The following PLPPR1 variants were observed in gnomAD, a reference collection of about 807,000 sequenced individuals.
The protein encoded by PLPPR1 is phospholipid phosphatase related 1.
PLPPR1 carries 10 observed loss-of-function variants against 33.1 expected under a neutral mutation model. That is an observed-to-expected ratio of 0.30 (90% CI 0.19 to 0.51). PLPPR1 has a LOEUF of 0.51. PLPPR1 is among the 20% of genes least tolerant of loss of function. The probability of loss-of-function intolerance (pLI) is 0.97; values close to 1 mark genes in which losing one functional copy is unlikely to be tolerated. For synonymous variants in PLPPR1, 151 were observed against 151.0 expected, an observed-to-expected ratio of 1.00 and a Z score of 0.00; for missense variants, 304 against 408.1, an observed-to-expected ratio of 0.74 and a Z score of 2.20.
chr9:101,207,637 C>T (rs969938034), intron 2 of PLPPR1, among the ~76,000 whole-genome samples: 5 of 152,138 alleles, frequency 3.3e-5, no homozygotes. Context: ...CACCCCCATT[C>T]ACCGTGGAAA....
At chr9:101,032,218 T>G (rs961883617) in intron 1 of PLPPR1, among the ~76,000 whole-genome samples, 1 of 151,084 alleles carries the variant, frequency 6.6e-6, no homozygotes, top group African/African-American at 2.5e-5. Context: ...GAACTTCAAT[T>G]TTATGGGGAA....
At chr9:101,220,072 C>T (rs79959629) in intron 2 of PLPPR1, among the ~76,000 whole-genome samples, 196 of 152,268 alleles carry the variant, frequency 1.3e-3, no homozygotes, top group African/African-American at 4.6e-3. Flanking sequence ...ATGTTTGGGG[C>T]TGGATAATTC....
At chr9:101,183,566 T>C (rs937421303) in intron 1 of PLPPR1, among the ~76,000 whole-genome samples, 2 of 151,634 alleles carry the variant, frequency 1.3e-5, no homozygotes, top group African/African-American at 4.8e-5. Flanking sequence ...GATTAAAAAG[T>C]TCTAAAACTA....
intron 2 of PLPPR1, among the ~76,000 whole-genome samples, chr9:101,237,969 G>A (rs1588088818): frequency 3.6e-5 from 3 of 82,268 alleles, no homozygotes; most frequent in Non-Finnish European, 2.3e-5. Context: ...ACACACACAG[G>A]CTATATAGCC....
intron 1 of PLPPR1, among the ~76,000 whole-genome samples, chr9:101,164,169 A>G (rs1349084136): frequency 6.6e-6 from 1 of 152,026 alleles, no homozygotes; most frequent in Non-Finnish European, 1.5e-5. Context: ...TAAGTGTTCA[A>G]ACTTGGGGCC....
At chr9:101,041,836 C>G (rs1830081832) in intron 1 of PLPPR1, among the ~76,000 whole-genome samples, 1 of 152,102 alleles carries the variant, frequency 6.6e-6, no homozygotes, top group South Asian at 2.1e-4. Context: ...GGTTCTCTTG[C>G]TTTGAACAGA....
intron 1 of PLPPR1, among the ~76,000 whole-genome samples, chr9:101,150,408 A>G (rs1241809232): frequency 1.3e-5 from 2 of 152,128 alleles, no homozygotes; most frequent in African/African-American, 2.4e-5. Flanking sequence ...TTTGTTTATT[A>G]GTTATTCTTG....
intron 4 of PLPPR1, among the ~76,000 whole-genome samples, chr9:101,298,722 G>C (rs528951651): frequency 6.6e-6 from 1 of 152,074 alleles, no homozygotes; most frequent in South Asian, 2.1e-4. Flanking sequence ...GAATCTATGA[G>C]TGAACCAAAT....
intron 2 of PLPPR1, among the ~76,000 whole-genome samples, chr9:101,214,757 T>C (rs922664735): frequency 1.3e-5 from 2 of 152,186 alleles, no homozygotes; most frequent in Non-Finnish European, 2.9e-5. Context: ...GTGCGGTGCA[T>C]CATGCCTGTA....
At chr9:101,289,613 G>T (rs552475300) in intron 4 of PLPPR1, among the ~76,000 whole-genome samples, 2 of 152,314 alleles carry the variant, frequency 1.3e-5, no homozygotes, top group Non-Finnish European at 2.9e-5. Context: ...TAGTGAATAA[G>T]TCTCAAAATA....
chr9:101,198,277 A>T (rs116127764), intron 2 of PLPPR1, among the ~76,000 whole-genome samples: 2,855 of 152,062 alleles, frequency 0.019, 98 homozygotes, highest in African/African-American at 0.064. Context: ...ATCCCTCCCC[A>T]CAGTTAATGA....
At chr9:101,221,517 C>A (rs571048269) in intron 2 of PLPPR1, among the ~76,000 whole-genome samples, 1 of 152,300 alleles carries the variant, frequency 6.6e-6, no homozygotes, top group South Asian at 2.1e-4. Context: ...AGTAGTACAG[C>A]ACTTCATTCT....
intron 1 of PLPPR1, among the ~76,000 whole-genome samples, chr9:101,051,683 A>T (rs1195546566): frequency 6.6e-6 from 1 of 152,146 alleles, no homozygotes; most frequent in East Asian, 1.9e-4. Flanking sequence ...TTACTTCATT[A>T]CTGTTCTTGC....
chr9:101,130,035 A>G (rs1394916980), intron 1 of PLPPR1, among the ~76,000 whole-genome samples: 5 of 152,206 alleles, frequency 3.3e-5, no homozygotes, highest in Non-Finnish European at 7.3e-5. Flanking sequence ...AGAGCATTAG[A>G]TAAAGGACAA....
intron 1 of PLPPR1, among the ~76,000 whole-genome samples, chr9:101,152,749 T>C (rs1831607479): frequency 6.6e-6 from 1 of 152,150 alleles, no homozygotes; most frequent in Non-Finnish European, 1.5e-5. Context: ...TTCTGTTCCA[T>C]TGGTCTGTAT....
chr9:101,324,055 T>A lies in PLPPR1; in HGVS notation c.976T>A (p.Ter326ArgextTer3). 1 of 1,612,048 alleles carries A rather than the reference T, an allele frequency of 6.2e-7. No individual in the cohort carries two copies. The highest frequency in any genetic ancestry group is 8.5e-7 in the Non-Finnish European group (1 of 1,178,262). ...CTCTGCGTCCATGACCGAAGTTACC[T>A]GAGACGACTGATGTGTCACAAGCTG... ...NHSASMTEVT[*>R] Residue 326 changes from the stop codon to arginine, a stop_lost, in exon 8 of 8, where the codon TGA becomes AGA. Coordinates refer to ENST00000374874, the MANE Select transcript of PLPPR1 (RefSeq NM_207299.2).
At chr9:101,140,365 A>G (rs1317081522) in intron 1 of PLPPR1, among the ~76,000 whole-genome samples, 1 of 152,114 alleles carries the variant, frequency 6.6e-6, no homozygotes. Flanking sequence ...GTTGTTACTG[A>G]GCAGAAAAGT....
At chr9:101,068,880 G>A (rs1223873399) in intron 1 of PLPPR1, among the ~76,000 whole-genome samples, 4 of 152,118 alleles carry the variant, frequency 2.6e-5, no homozygotes, top group African/African-American at 7.2e-5. Context: ...GATGACAGGG[G>A]ATAGGAAAAG....
Position 101,317,490 on chromosome 9 carries a change from T to C in PLPPR1, c.939T>C (p.Ser313=). 6.2e-7 allele frequency: 1 copy of C among 1,613,588 alleles called. No individual in the cohort carries two copies. The highest frequency in any genetic ancestry group is 8.5e-7 in the Non-Finnish European group (1 of 1,179,832). Residue 313 remains serine (S), a synonymous_variant, in exon 7 of 8, where the codon AGT becomes AGC. Coordinates refer to ENST00000374874, the MANE Select transcript of PLPPR1 (RefSeq NM_207299.2). ...TAGAAAGCCCTCTGGAAACCTTAAG[T>C]GCACAGGTATGGTAAAGCAGTTTTA... ...PRIESPLETL[S]AQNHSASMTE...
Sources: gnomAD v4.1 joint callset for allele counts (sites outside exome capture counted in the v4.1 genomes callset) on GRCh38, gnomAD v4.1.1 for gene constraint, MANE v1.5 for transcripts, NCBI Gene and HGNC (gene_info 2026-07-23, HGNC 2026-07-21) for gene names.